EIF4ENIF1: variants seen among roughly 807,000 people sequenced by gnomAD.
EIF4ENIF1 encodes eukaryotic translation initiation factor 4E nuclear import factor 1, also known as eukaryotic translation initiation factor 4E transporter.
A neutral mutation model predicts 110.5 loss-of-function variants in EIF4ENIF1; 23 were observed. The observed-to-expected ratio is 0.21, with a 90% CI of 0.15 to 0.29. The LOEUF (loss-of-function observed/expected upper bound fraction) is 0.29, where lower values mean the gene tolerates loss of function less well. Ranked by LOEUF, EIF4ENIF1 falls within the 10% of genes least tolerant of loss-of-function variation. The pLI, the probability that EIF4ENIF1 is intolerant of heterozygous loss-of-function variation, is 1.00. For synonymous variants in EIF4ENIF1, 440 were observed against 437.0 expected (o/e 1.01, Z -0.09); for missense variants, 1,031 against 1,221.1 (o/e 0.84, Z 2.32).
chr22:31,468,247 G>T lies in EIF4ENIF1; in HGVS notation c.226C>A (p.Arg76=), dbSNP rs377378858. 1.9e-6 allele frequency: 3 copies of T among 1,614,136 alleles called. No individual in the cohort carries two copies. Among genetic ancestry groups the T allele is most frequent in the East Asian group, 2.2e-5 (1 of 44,882 alleles). The change falls in exon 4 of 19, where the codon CGG becomes AGG. Residue 76 remains arginine, a synonymous_variant. Transcript: ENST00000330125. ...WHASLYPASG[R]SSPVESLKKE... ...TTCAGACTTTCCACTGGTGAGCTCC[G>T]CCCTGAAGCTGGGTAGAGAGAGGCA... is the stretch of plus-strand genomic sequence containing the variant.
chr22:31,460,882 T>C (rs901306114), intron 6 of EIF4ENIF1, among the ~76,000 whole-genome samples: 4 of 152,022 alleles, frequency 2.6e-5, no homozygotes, highest in Non-Finnish European at 4.4e-5. Flanking sequence ...GAGGCGGAGT[T>C]TGCCGTGAGC....
chr22:31,471,556 C>T (rs1473938168), intron 3 of EIF4ENIF1, among the ~76,000 whole-genome samples: 9 of 152,256 alleles, frequency 5.9e-5, no homozygotes, highest in African/African-American at 9.6e-5. Flanking sequence ...CCTCGTGATC[C>T]GCCTGCCTTG....
Position 31,463,020 on chromosome 22 carries a change from G to T in EIF4ENIF1, c.699C>A (p.Ile233=). Residue 233 remains isoleucine, a synonymous_variant, in exon 6 of 19, where the codon ATC becomes ATA. Coordinates refer to ENST00000330125, the MANE Select transcript of EIF4ENIF1 (RefSeq NM_019843.4). ...TCTTATCATCAAAGCCAGTCAGTTC[G>T]ATGGTTTCAGACTGACTTGTGGGTC... ...SAGPTSQSET[I]ELTGFDDKIL... 1 of 1,614,052 alleles carries T rather than the reference G, an allele frequency of 6.2e-7. No homozygotes were observed. The highest frequency in any genetic ancestry group is 8.5e-7 in the Non-Finnish European group (1 of 1,180,012).
chr22:31,449,581 CAG>C (rs753990429), intron 11 of EIF4ENIF1, 50 bp from the exon 12 acceptor site: 1 of 1,548,708 alleles, frequency 6.5e-7, no homozygotes, highest in Non-Finnish European at 8.7e-7. Flanking sequence ...TCCTTCTACT[CAG>C]AGGCTGTGAA....
chr22:31,442,300 T>C (rs919754266), intron 16 of EIF4ENIF1, among the ~76,000 whole-genome samples, 182 bp from the exon 17 acceptor site: 2 of 152,196 alleles, frequency 1.3e-5, no homozygotes, highest in African/African-American at 4.8e-5. Context: ...AGATGAATTG[T>C]TGGGCACCCT....
chr22:31,462,560 C>G (rs889867008), intron 6 of EIF4ENIF1, among the ~76,000 whole-genome samples: 1 of 152,000 alleles, frequency 6.6e-6, no homozygotes, highest in Admixed American at 6.6e-5. Flanking sequence ...GTGCCCATTC[C>G]TAAGTGTACA....
At chr22:31,452,528 A>G (rs527787444) in intron 10 of EIF4ENIF1, among the ~76,000 whole-genome samples, 2 of 152,322 alleles carry the variant, frequency 1.3e-5, no homozygotes, top group East Asian at 1.9e-4. Flanking sequence ...TCCTAGAATC[A>G]TATCTGCAAT....
At chr22:31,468,336 C>T (rs751874741) in intron 3 of EIF4ENIF1, 34 bp from the exon 4 acceptor site, 47 of 1,613,494 alleles carry the variant, frequency 2.9e-5, no homozygotes, top group Non-Finnish European at 3.7e-5. Flanking sequence ...TTAGCACTTA[C>T]GCCCATGAAC....
At position 31,440,163 on chromosome 22, in the gene EIF4ENIF1, A is replaced by G. The variant is rs571057484; in HGVS notation, c.2717-42T>C. The stretch of plus-strand genomic sequence containing the variant: ...GGTTATCATTCACAGCATGAGAAGG[A>G]AAGTTTATTAGACCCTGCTTCATTC... On this transcript the variant is annotated intron_variant, in intron 18 of 18. Transcript: ENST00000330125. 5.6e-6 allele frequency: 9 copies of G among 1,613,792 alleles called. No individual in the cohort carries two copies. In the East Asian group the frequency reaches 1.1e-4, roughly 20 times the overall value.
chr22:31,440,777 A>G lies in EIF4ENIF1; in HGVS notation c.2643T>C (p.Ser881=). The G allele has an allele frequency of 6.2e-7, 1 of 1,614,032 alleles. No homozygotes were observed. The highest frequency in any genetic ancestry group is 8.5e-7 in the Non-Finnish European group (1 of 1,179,882). The change falls in exon 18 of 19, where the codon AGT becomes AGC. Residue 881 remains serine (S), a synonymous_variant. Transcript: ENST00000330125. ...GQPFYPLPAA[S]HPLLNPRPGT... ...CAGGACGAGGGTTTAAGAGAGGGTGACTAGCAGCAGGTAAAGGGTAAAAGG... is the reference window on the plus strand; with the variant it reads ...CAGGACGAGGGTTTAAGAGAGGGTGGCTAGCAGCAGGTAAAGGGTAAAAGG...
chr22:31,480,906 A>C (rs112748924), intron 2 of EIF4ENIF1, among the ~76,000 whole-genome samples: 5 of 152,206 alleles, frequency 3.3e-5, no homozygotes, highest in African/African-American at 9.6e-5. Context: ...CTACTAAAAA[A>C]AAGAAAATCA....
At chr22:31,470,151 C>T (rs536315691) in intron 3 of EIF4ENIF1, among the ~76,000 whole-genome samples, 13 of 120,214 alleles carry the variant, frequency 1.1e-4, no homozygotes, top group South Asian at 5.5e-4. Context: ...GCAACAAGAG[C>T]GAAACTCCAC....
chr22:31,479,162 G>A (rs1297657685), intron 2 of EIF4ENIF1, among the ~76,000 whole-genome samples: 3 of 151,036 alleles, frequency 2.0e-5, no homozygotes, highest in Admixed American at 6.6e-5. Flanking sequence ...TGCCTCCAGC[G>A]TTCAAGCAAT....
In EIF4ENIF1 at chr22:31,440,871, G is replaced by A. The variant is rs1421316157; in HGVS notation, c.2552-3C>T. 5.0e-6 allele frequency: 8 copies of A among 1,613,852 alleles called. No individual in the cohort carries two copies. The highest frequency in any genetic ancestry group is 3.3e-5 in the South Asian group (3 of 91,070). ...GTCCATCCCAGGAGGAAGCACACCTGTTGAGCAGAAAAAGCAAGCAGCTGA... is the reference window on the plus strand; with the variant it reads ...GTCCATCCCAGGAGGAAGCACACCTATTGAGCAGAAAAAGCAAGCAGCTGA... On this transcript the variant is annotated splice_region_variant and splice_polypyrimidine_tract_variant and intron_variant, in intron 17 of 18. Coordinates refer to ENST00000330125, the MANE Select transcript of EIF4ENIF1 (RefSeq NM_019843.4).
chr22:31,442,617 A>C (rs929811287), intron 16 of EIF4ENIF1, among the ~76,000 whole-genome samples: 1 of 152,254 alleles, frequency 6.6e-6, no homozygotes, highest in Non-Finnish European at 1.5e-5. Flanking sequence ...CAGGCTGGAC[A>C]TAATCTTTCA....
chr22:31,438,339 A>G (rs944865246), downstream of EIF4ENIF1, among the ~76,000 whole-genome samples: 1 of 152,230 alleles, frequency 6.6e-6, no homozygotes, highest in Admixed American at 6.5e-5. Flanking sequence ...TGCTATGTAT[A>G]TACTAATAGT....
intron 11 of EIF4ENIF1, 73 bp downstream of exon 11, chr22:31,450,216 G>T: frequency 1.6e-6 from 2 of 1,224,746 alleles, no homozygotes; most frequent in South Asian, 2.5e-5. Context: ...CCCAAAGTTG[G>T]ACCACTAAGC....
At chr22:31,446,902 C>T (rs910044260) in intron 14 of EIF4ENIF1, 1 of 407,532 alleles carries the variant, frequency 2.5e-6, no homozygotes, top group Non-Finnish European at 4.9e-6. Context: ...AGAGTGAACT[C>T]AGTACTCTAC....
At chr22:31,437,623 T>C (rs1057242388), downstream of EIF4ENIF1, 1 of 152,160 alleles carries the variant, frequency 6.6e-6, no homozygotes, top group Non-Finnish European at 1.5e-5. Flanking sequence ...CCTGTTTCTG[T>C]CCTACTAGCT....
Sources: allele counts gnomAD v4.1 joint callset (sites outside exome capture counted in the v4.1 genomes callset), GRCh38; gene constraint gnomAD v4.1.1; transcripts MANE v1.5; gene names NCBI Gene and HGNC (gene_info 2026-07-23, HGNC 2026-07-21).